Variants in MCMDC2 observed in about 807,000 individuals in gnomAD.
The protein encoded by MCMDC2 is minichromosome maintenance domain-containing protein 2.
A neutral mutation model predicts 75.8 loss-of-function variants in MCMDC2; 54 were observed. That is an observed-to-expected ratio of 0.71 (90% confidence interval 0.57 to 0.89). MCMDC2 has a LOEUF of 0.89. Ranked by LOEUF, MCMDC2 falls within the 40% of genes least tolerant of loss-of-function variation. MCMDC2 has a pLI of 0.00. For missense variants in MCMDC2, 656 were observed against 780.4 expected (o/e 0.84, Z 1.90); for synonymous variants, 249 against 274.6 (o/e 0.91, Z 0.92).
intron 14 of MCMDC2, among the ~76,000 whole-genome samples, chr8:66,916,886 C>T (rs1033411090): frequency 6.6e-6 from 1 of 152,056 alleles, no homozygotes; most frequent in Non-Finnish European, 1.5e-5. Context: ...AAAGGTGGGA[C>T]ATCGCAAGGG....
At chr8:66,904,856 T>C (rs573726373) in intron 13 of MCMDC2, among the ~76,000 whole-genome samples, 48 of 152,294 alleles carry the variant, frequency 3.2e-4, no homozygotes, top group Non-Finnish European at 5.9e-4. Context: ...AACAAAAATC[T>C]TGCAAATCTA....
Position 66,896,853 on chromosome 8 carries a change from G to C in MCMDC2, c.1520G>C (p.Cys507Ser), listed in dbSNP as rs1191341304. Residue 507 changes from cysteine to serine, a missense_variant, in exon 12 of 15, where the codon TGC (cysteine) becomes TCC (serine). Cys to Ser is a moderately radical substitution (Grantham distance 112). Transcript: ENST00000422365. ...LLINCNESSP[C>S]HPFLPTVQHT... ...ATTAACTGCAACGAGTCATCTCCCT[G>C]CCACCCATTTCTTCCTACTGTGCAA... 15 of 1,613,270 alleles carry C rather than the reference G, an allele frequency of 9.3e-6. No individual in the cohort carries two copies. The highest frequency in any genetic ancestry group is 1.7e-5 in the Admixed American group (1 of 59,890).
chr8:66,923,532 A>C (rs1490586179), downstream of MCMDC2, among the ~76,000 whole-genome samples: 1 of 152,222 alleles, frequency 6.6e-6, no homozygotes, highest in Non-Finnish European at 1.5e-5. Flanking sequence ...CTGAAACAAA[A>C]AAAGTTTCAG....
intron 10 of MCMDC2, 32 bp downstream of exon 10, chr8:66,891,102 C>A: frequency 1.3e-6 from 2 of 1,532,802 alleles, no homozygotes; most frequent in East Asian, 2.3e-5. Flanking sequence ...AATTTTCACC[C>A]GTTTAACCTA....
chr8:66,901,278 C>T lies in MCMDC2; in HGVS notation c.1699C>T (p.Leu567=). 2 of 1,614,022 alleles carry T rather than the reference C, an allele frequency of 1.2e-6. No individual in the cohort carries two copies. The highest frequency in any genetic ancestry group is 1.7e-6 in the Non-Finnish European group (2 of 1,179,966). Residue 567 remains leucine, a synonymous_variant, in exon 13 of 15, where the codon CTA becomes TTA. Coordinates refer to ENST00000422365, the MANE Select transcript of MCMDC2 (RefSeq NM_173518.5). ...AGAAAGAATGACCCATGGCTATTAT[C>T]TAGCAAGTCGCAGAATCAGAACAGG... ...EAERMTHGYY[L]ASRRIRTGSV...
intron 13 of MCMDC2, among the ~76,000 whole-genome samples, chr8:66,903,143 T>C (rs1585898245): frequency 2.0e-5 from 3 of 150,324 alleles, no homozygotes; most frequent in African/African-American, 7.3e-5. Context: ...AAGCAAACAG[T>C]GTAATTTGAT....
At chr8:66,889,130 G>T (rs1162137553) in intron 9 of MCMDC2, among the ~76,000 whole-genome samples, 1 of 152,120 alleles carries the variant, frequency 6.6e-6, no homozygotes, top group Non-Finnish European at 1.5e-5. Context: ...TGCACTGCAT[G>T]TCTATGCCTA....
At chr8:66,904,751 A>G (rs1812839751) in intron 13 of MCMDC2, among the ~76,000 whole-genome samples, 2 of 152,184 alleles carry the variant, frequency 1.3e-5, no homozygotes, top group African/African-American at 4.8e-5. Context: ...AAGAGACTGG[A>G]AAATGAATAG....
Position 66,880,896 on chromosome 8 carries a change from G to A in MCMDC2, c.757G>A (p.Gly253Arg), listed in dbSNP as rs1811527025. Residue 253 changes from glycine (G) to arginine (R), a missense_variant, in exon 8 of 15, where the codon GGA (glycine) becomes AGA (arginine). Transcript: ENST00000422365. The stretch of plus-strand genomic sequence containing the variant: ...TATAGGAAATGAATATAAAATTATT[G>A]GAATTCCAACCTGTGTAAAAACCTC... ...MNIGNEYKII[G>R]IPTCVKTSQT... The A allele has an allele frequency of 1.3e-6, 2 of 1,564,892 alleles. No individual in the cohort carries two copies. Among genetic ancestry groups the A allele is most frequent in the Non-Finnish European group, 1.7e-6 (2 of 1,156,154 alleles).
intron 10 of MCMDC2, among the ~76,000 whole-genome samples, 195 bp downstream of exon 10, chr8:66,891,265 A>T (rs947896015): frequency 3.1e-4 from 47 of 152,222 alleles, no homozygotes; most frequent in African/African-American, 1.1e-3. Context: ...CTTTGCTCTC[A>T]GTGTGCTAAC....
chr8:66,890,939 T>C lies in MCMDC2; in HGVS notation c.1148T>C (p.Leu383Pro), dbSNP rs1812078171. The C allele has an allele frequency of 6.2e-7, 1 of 1,613,892 alleles. No homozygotes were observed. The highest frequency in any genetic ancestry group is 1.1e-5 in the South Asian group (1 of 90,954). The stretch of plus-strand genomic sequence containing the variant: ...GTCTCTACTGAAATTTTTCCCACTC[T>C]ATCCAGGAATAAGTATGGAACTGGA... ...HLVSTEIFPT[L>P]SRNKYGTGAV... Residue 383 changes from leucine to proline, a missense_variant, in exon 10 of 15, where the codon CTA becomes CCA. Physicochemically the swap from Leu to Pro is moderately conservative, Grantham distance 98. Transcript: ENST00000422365.
intron 8 of MCMDC2, among the ~76,000 whole-genome samples, chr8:66,882,526 C>G (rs1025992845): frequency 6.6e-6 from 1 of 152,056 alleles, no homozygotes; most frequent in African/African-American, 2.4e-5. Flanking sequence ...CCACCACGCC[C>G]AGCTAATTTT....
Position 66,878,991 on chromosome 8 carries a change from C to T in MCMDC2, c.709+72C>T, listed in dbSNP as rs1447748612. On this transcript the variant is annotated intron_variant, in intron 7 of 14. Transcript: ENST00000422365. ...AATTGGCTGGGCACAGTGGCTGGCT[C>T]ATGCCTGTAATCCCAACACTTTTGG... The T allele has an allele frequency of 4.4e-6, 4 of 914,196 alleles. No individual in the cohort carries two copies. In the African/African-American group the frequency reaches 5.0e-5, roughly 11 times the overall value. 56.6% of individuals were successfully genotyped at this position (914,196 alleles called of 1,614,324 possible).
At chr8:66,911,101 G>C (rs887649471) in intron 14 of MCMDC2, among the ~76,000 whole-genome samples, 1 of 152,174 alleles carries the variant, frequency 6.6e-6, no homozygotes, top group Non-Finnish European at 1.5e-5. Flanking sequence ...ATGTGAAAGG[G>C]ACATGAGATT....
Position 66,884,193 on chromosome 8 carries a change from AC to A in MCMDC2, c.1073+201del. On this transcript the variant is annotated intron_variant, in intron 9 of 14. Coordinates refer to ENST00000422365, the MANE Select transcript of MCMDC2 (RefSeq NM_173518.5). ...ATAAGTTGAATTACTCCAATTTTCAACCTATTTCCCCACTCAGACCTTTGTA... is the reference window on the plus strand; with the variant it reads ...ATAAGTTGAATTACTCCAATTTTCAACTATTTCCCCACTCAGACCTTTGTA... 3 of 573,566 alleles carry A rather than the reference AC, an allele frequency of 5.2e-6. No homozygotes were observed. The South Asian group carries it at 7.2e-5, about 14-fold the overall frequency. The allele number at this position is 573,566 out of a possible 1,614,324, so 35.5% of individuals were successfully genotyped here.
intron 4 of MCMDC2, among the ~76,000 whole-genome samples, chr8:66,876,982 G>C (rs536473634): frequency 1.1e-4 from 16 of 152,102 alleles, no homozygotes; most frequent in South Asian, 4.2e-4. Context: ...GGATGGTCTC[G>C]ATCTCCTGAC....
intron 9 of MCMDC2, among the ~76,000 whole-genome samples, chr8:66,886,208 G>A (rs1175157248): frequency 2.7e-5 from 4 of 146,272 alleles, no homozygotes; most frequent in East Asian, 4.0e-4. Flanking sequence ...CTTGTTGCCC[G>A]GGCTGGAGTG....
chr8:66,922,627 G>A (rs770959488), downstream of MCMDC2: 81 of 442,952 alleles, frequency 1.8e-4, no homozygotes, highest in Non-Finnish European at 3.1e-4. Context: ...AATACATGCC[G>A]CGTGATCCTA....
intron 1 of MCMDC2, among the ~76,000 whole-genome samples, chr8:66,873,814 G>A (rs898195414): frequency 6.6e-5 from 10 of 152,018 alleles, no homozygotes; most frequent in Non-Finnish European, 1.5e-4. Context: ...TTGAACCTGG[G>A]AGGTGGAGGT....
Sources: gnomAD v4.1 joint callset for allele counts (sites outside exome capture counted in the v4.1 genomes callset) on GRCh38, gnomAD v4.1.1 for gene constraint, MANE v1.5 for transcripts, NCBI Gene and HGNC (gene_info 2026-07-23, HGNC 2026-07-21) for gene names.